BMPR2: variants seen among roughly 807,000 people sequenced by gnomAD.
BMPR2 encodes bone morphogenetic protein receptor type-2.
A neutral mutation model predicts 100.8 loss-of-function variants in BMPR2; 29 were observed. That is an observed-to-expected ratio of 0.29 (90% CI 0.21 to 0.39). The LOEUF is 0.39. Ranked by LOEUF, BMPR2 falls within the 10% of genes least tolerant of loss-of-function variation. The pLI is 1.00. For synonymous variants in BMPR2, 382 were observed against 442.3 expected, an observed-to-expected ratio of 0.86 and a Z score of 1.71; for missense variants, 1,011 against 1,274.5, an observed-to-expected ratio of 0.79 and a Z score of 3.15.
chr2:202,456,718 T>A lies in BMPR2; in HGVS notation c.77-8091T>A, dbSNP rs538997797. Among the ~76,000 whole-genome samples, 5 of 152,166 alleles carry A rather than the reference T, an allele frequency of 3.3e-5. No individual in the cohort carries two copies. In the South Asian group the frequency reaches 1.0e-3, roughly 32 times the overall value. ...TTAGAAGAGACGGGGTTTCACCATA[T>A]TGGTCAGGCTGGTCTTGAACTCCTG... On this transcript the variant is annotated intron_variant, in intron 1 of 12. Coordinates refer to ENST00000374580, the MANE Select transcript of BMPR2 (RefSeq NM_001204.7).
At position 202,511,612 on chromosome 2, in the gene BMPR2, G is replaced by A. The variant is rs1032904987; in HGVS notation, c.419-2107G>A. ...TTTAATTGTAGCCATGCCAATGTAT[G>A]TGAAATAATATCTCACTGTGGTAAA... On this transcript the variant is annotated intron_variant, in intron 3 of 12. Coordinates refer to ENST00000374580, the MANE Select transcript of BMPR2 (RefSeq NM_001204.7). 5.9e-5 allele frequency among the ~76,000 whole-genome samples: 9 copies of A among 152,142 alleles called. No homozygotes were observed. In the East Asian group the frequency reaches 1.5e-3, roughly 26 times the overall value.
rs1042337768 is a variant in BMPR2, at chr2:202,495,918, A to T, written c.419-17801A>T. 6.6e-6 allele frequency among the ~76,000 whole-genome samples: 1 copy of T among 152,196 alleles called. No homozygotes were observed. On this transcript the variant is annotated intron_variant, in intron 3 of 12. Coordinates refer to ENST00000374580, the MANE Select transcript of BMPR2 (RefSeq NM_001204.7). This position sits in a 1 kb window ranked among gnomAD's most constrained non-coding sequence, Gnocchi z 4.5. ...CTGTATGAGAAGACTCATTATACAGAGTTTTGGAAGTAGGAGGACCTTAAA... is the reference window on the plus strand; with the variant it reads ...CTGTATGAGAAGACTCATTATACAGTGTTTTGGAAGTAGGAGGACCTTAAA...
At position 202,561,313 on chromosome 2, in the gene BMPR2, T is replaced by C. The variant is rs922460034; in HGVS notation, c.*1367T>C. 6.6e-6 allele frequency: 1 copy of C among 152,186 alleles called. No individual in the cohort carries two copies. Among genetic ancestry groups the C allele is most frequent in the African/African-American group, 2.4e-5 (1 of 41,470 alleles). 9.4% of individuals were successfully genotyped at this position (152,186 alleles called of 1,614,324 possible). On this transcript the variant is annotated 3_prime_UTR_variant, in exon 13 of 13. Transcript: ENST00000374580. ...TTTTTCCTTTTGCCAGTTTTTCACATTATCTTTGATATGTGAGCAACATTT... is the reference window on the plus strand; with the variant it reads ...TTTTTCCTTTTGCCAGTTTTTCACACTATCTTTGATATGTGAGCAACATTT...
intron 1 of BMPR2, among the ~76,000 whole-genome samples, chr2:202,385,760 A>G (rs1429448666): frequency 6.6e-6 from 1 of 150,834 alleles, no homozygotes; most frequent in Non-Finnish European, 1.5e-5. Flanking sequence ...ATAGTCATGT[A>G]TATGTGATCT....
chr2:202,500,984 C>T (rs564183304), intron 3 of BMPR2, among the ~76,000 whole-genome samples: 1 of 152,146 alleles, frequency 6.6e-6, no homozygotes, highest in African/African-American at 2.4e-5. Flanking sequence ...GGCACTGGCC[C>T]AAGATCTAAG....
At chr2:202,454,282 G>T (rs1213699473) in intron 1 of BMPR2, among the ~76,000 whole-genome samples, 2 of 151,940 alleles carry the variant, frequency 1.3e-5, no homozygotes, top group African/African-American at 2.4e-5. Flanking sequence ...CGTTGCCCAG[G>T]CTGGTCTCAA....
In BMPR2 at chr2:202,507,125, C is replaced by T. The variant is rs149736395; in HGVS notation, c.419-6594C>T. On this transcript the variant is annotated intron_variant, in intron 3 of 12. Transcript: ENST00000374580. ...ATTAAATGTTCAGCTGTTTCTTCCT[C>T]CTCACATGTACAGTGGTGTCCTCCT... Among the ~76,000 whole-genome samples the T allele has an allele frequency of 2.5e-3, 373 of 151,904 alleles. 3 individuals carry two copies. Among genetic ancestry groups the T allele is most frequent in the African/African-American group, 8.3e-3 (344 of 41,442 alleles).
intron 12 of BMPR2, among the ~76,000 whole-genome samples, chr2:202,559,418 G>T (rs1431436171): frequency 6.6e-6 from 1 of 152,082 alleles, no homozygotes; most frequent in African/African-American, 2.4e-5. Context: ...TGAGAATACA[G>T]CTGAGAAGTT....
At chr2:202,533,794 G>A (rs1194590626) in intron 9 of BMPR2, among the ~76,000 whole-genome samples, 1 of 152,198 alleles carries the variant, frequency 6.6e-6, no homozygotes, top group African/African-American at 2.4e-5. Flanking sequence ...TGGCTCTCCA[G>A]CCTGGGTAAC....
chr2:202,518,992 T>C lies in BMPR2; in HGVS notation c.792T>C (p.Asp264=), dbSNP rs146814773. 1.1e-5 allele frequency: 18 copies of C among 1,614,038 alleles called. No individual in the cohort carries two copies. Among genetic ancestry groups the C allele is most frequent in the Non-Finnish European group, 1.5e-5 (18 of 1,180,028 alleles). Residue 264 remains aspartate (D), a synonymous_variant, in exon 6 of 13, where the codon GAT becomes GAC. Transcript: ENST00000374580. ...HDNIARFIVG[D]ERVTADGRME... is the part of the protein sequence containing the mutation. Reference sequence around the variant, plus strand: ...ACATTGCCCGCTTTATAGTTGGAGATGAGAGAGTCACTGCAGATGGACGCA... The same window carrying C: ...ACATTGCCCGCTTTATAGTTGGAGACGAGAGAGTCACTGCAGATGGACGCA...
chr2:202,408,624 T>C (rs969364571), intron 1 of BMPR2, among the ~76,000 whole-genome samples: 2 of 152,216 alleles, frequency 1.3e-5, no homozygotes, highest in Non-Finnish European at 2.9e-5. Flanking sequence ...CAAATGTTTT[T>C]AGAATAAATA....
At chr2:202,425,252 T>G (rs557358269) in intron 1 of BMPR2, among the ~76,000 whole-genome samples, 1 of 152,266 alleles carries the variant, frequency 6.6e-6, no homozygotes, top group South Asian at 2.1e-4. Context: ...TACCCCTATC[T>G]TCACCCCTTG....
At chr2:202,539,372 G>A (rs2106028296) in intron 9 of BMPR2, among the ~76,000 whole-genome samples, 1 of 152,160 alleles carries the variant, frequency 6.6e-6, no homozygotes, top group Admixed American at 6.5e-5. Flanking sequence ...AGTGTATATA[G>A]GAGGGGAAAG....
At chr2:202,413,977 A>G (rs1691070854) in intron 1 of BMPR2, among the ~76,000 whole-genome samples, 1 of 152,154 alleles carries the variant, frequency 6.6e-6, no homozygotes, top group South Asian at 2.1e-4. Flanking sequence ...TATTATTAAT[A>G]TATGTTTCAT....
At chr2:202,546,626 CAG>C (rs1328844024) in intron 10 of BMPR2, among the ~76,000 whole-genome samples, 1 of 152,052 alleles carries the variant, frequency 6.6e-6, no homozygotes, top group Non-Finnish European at 1.5e-5. Context: ...TTTTTTGAGA[CAG>C]AGTCTCGCTC....
chr2:202,554,625 G>A, intron 11 of BMPR2, among the ~76,000 whole-genome samples: 1 of 152,248 alleles, frequency 6.6e-6, no homozygotes, highest in South Asian at 2.1e-4. Context: ...TTGGAGAGCA[G>A]TTCTGAATCT....
intron 1 of BMPR2, among the ~76,000 whole-genome samples, chr2:202,404,696 G>A (rs1285006959): frequency 1.3e-5 from 2 of 152,156 alleles, no homozygotes; most frequent in African/African-American, 4.8e-5. Context: ...TATATTGGGT[G>A]GTGCTAAAGT....
At chr2:202,410,762 G>A (rs573968376) in intron 1 of BMPR2, among the ~76,000 whole-genome samples, 1 of 152,178 alleles carries the variant, frequency 6.6e-6, no homozygotes, top group African/African-American at 2.4e-5. Context: ...AGTATTTTTA[G>A]TAGAGATGGG....
intron 3 of BMPR2, among the ~76,000 whole-genome samples, chr2:202,477,327 A>G (rs944677723): frequency 6.6e-6 from 1 of 152,194 alleles, no homozygotes; most frequent in African/African-American, 2.4e-5. Flanking sequence ...CATAAAGGAT[A>G]CTTTTCTGCT....
Sources: allele counts gnomAD v4.1 joint callset (sites outside exome capture counted in the v4.1 genomes callset), GRCh38; gene constraint gnomAD v4.1.1; non-coding constraint Gnocchi (gnomAD v3.1); transcripts MANE v1.5; gene names NCBI Gene and HGNC (gene_info 2026-07-23, HGNC 2026-07-21).